Variants in MET observed in about 807,000 individuals in gnomAD.
MET encodes the protein hepatocyte growth factor receptor.
MET carries 48 observed loss-of-function variants against 133.1 expected under a neutral mutation model. The ratio of observed to expected loss-of-function variants is 0.36; its 90% confidence interval spans 0.29 to 0.46. MET has a LOEUF of 0.46. Among genes scored for constraint, MET ranks in the 20% least tolerant of loss-of-function variants. The probability of loss-of-function intolerance (pLI) is 1.00; values close to 1 mark genes in which losing one functional copy is unlikely to be tolerated. For synonymous variants in MET, 628 were observed against 616.5 expected (o/e 1.02, Z -0.28); for missense variants, 1,442 against 1,695.9 (o/e 0.85, Z 2.63).
At chr7:116,772,564 T>G (rs1018043705) in intron 14 of MET, among the ~76,000 whole-genome samples, 2 of 152,210 alleles carry the variant, frequency 1.3e-5, no homozygotes, top group Non-Finnish European at 2.9e-5. Flanking sequence ...CTAGTAATGT[T>G]CAGGTTAATC....
intron 19 of MET, among the ~76,000 whole-genome samples, chr7:116,787,811 G>C (rs948896472): frequency 1.3e-5 from 2 of 152,126 alleles, no homozygotes; most frequent in African/African-American, 4.8e-5. Context: ...CCAAAGAGAC[G>C]TAAGAATAGC....
chr7:116,713,166 T>C (rs1015332898), intron 2 of MET, among the ~76,000 whole-genome samples: 24 of 151,972 alleles, frequency 1.6e-4, no homozygotes, highest in African/African-American at 5.3e-4. Context: ...GAGGCCGAGG[T>C]GGGCGGATCA....
At chr7:116,746,072 A>T (rs1038595675) in intron 5 of MET, among the ~76,000 whole-genome samples, 12 of 152,240 alleles carry the variant, frequency 7.9e-5, no homozygotes, top group Non-Finnish European at 1.6e-4. Context: ...AAGAACTCAA[A>T]CCAATTTACA....
chr7:116,754,873 AAGAGAG>A (rs768705021), intron 5 of MET, among the ~76,000 whole-genome samples: 1 of 137,548 alleles, frequency 7.3e-6, no homozygotes, highest in Non-Finnish European at 1.6e-5. Context: ...AAAAGAAAGA[AAGAGAG>A]AGAGAGAGAA....
At chr7:116,783,619 C>G in intron 19 of MET, 150 bp downstream of exon 19, 1 of 783,936 alleles carries the variant, frequency 1.3e-6, no homozygotes, top group East Asian at 2.7e-5. Flanking sequence ...CTGATACGTA[C>G]ACATTGTATA....
rs1290614302 is a variant in MET at position 116,743,332 on chromosome 7, GT to G, written c.1701+2315del. ...CCATTTGGGCAGACACCGAGCAGGA[GT>G]TTTTTTTCATACCCCAGTGGTGCCT... On this transcript the variant is annotated intron_variant, in intron 5 of 20. Coordinates refer to ENST00000397752, the MANE Select transcript of MET (RefSeq NM_000245.4). 3.3e-5 allele frequency among the ~76,000 whole-genome samples: 5 copies of G among 152,182 alleles called. No individual in the cohort carries two copies. In the East Asian group the frequency reaches 9.7e-4, roughly 29 times the overall value.
At position 116,729,213 on chromosome 7, in the gene MET, CAG is replaced by C. The variant is rs561770433; in HGVS notation, c.1201-2454_1201-2453del. On this transcript the variant is annotated intron_variant, in intron 2 of 20. Transcript: ENST00000397752. Reference sequence around the variant, plus strand: ...TAGTGAAGAAATACTTCTAATTAAACAGGGAAATAGCACTTGCTAATATATCA... The same window carrying C: ...TAGTGAAGAAATACTTCTAATTAAACGGAAATAGCACTTGCTAATATATCA... 3.1e-4 allele frequency among the ~76,000 whole-genome samples: 47 copies of C among 152,280 alleles called. 1 individual carries two copies. In the East Asian group the frequency reaches 8.9e-3, roughly 29 times the overall value.
chr7:116,792,145 T>C (rs1459908279), intron 19 of MET, among the ~76,000 whole-genome samples: 1 of 152,202 alleles, frequency 6.6e-6, no homozygotes, highest in Non-Finnish European at 1.5e-5. Context: ...TACTCTTGAA[T>C]GCTCAGATTT....
At chr7:116,688,357 A>C (rs1796651444) in intron 1 of MET, among the ~76,000 whole-genome samples, 2 of 152,228 alleles carry the variant, frequency 1.3e-5, no homozygotes, top group African/African-American at 4.8e-5. Flanking sequence ...TGAATCACAA[A>C]ATTATGTCCA....
At chr7:116,702,985 A>C (rs1280368838) in intron 2 of MET, among the ~76,000 whole-genome samples, 1 of 152,110 alleles carries the variant, frequency 6.6e-6, no homozygotes. Context: ...CCAGTCTCAC[A>C]TTTCATGAAA....
chr7:116,776,906 T>A (rs1294565627), intron 15 of MET, among the ~76,000 whole-genome samples: 1 of 152,250 alleles, frequency 6.6e-6, no homozygotes, highest in Non-Finnish European at 1.5e-5. Context: ...ATCCTTATTC[T>A]ATAATACTAA....
chr7:116,704,808 C>T (rs1791725700), intron 2 of MET, among the ~76,000 whole-genome samples: 2 of 152,108 alleles, frequency 1.3e-5, no homozygotes, highest in African/African-American at 4.8e-5. Context: ...TAAGATATTA[C>T]TCTTATGTAC....
chr7:116,716,467 G>GAA (rs1404524774), intron 2 of MET, among the ~76,000 whole-genome samples: 54 of 108,266 alleles, frequency 5.0e-4, no homozygotes, highest in African/African-American at 1.7e-3. Flanking sequence ...AAGAAAGAAA[G>GAA]AGAAAGAAAG....
chr7:116,734,205 G>A (rs1793127327), intron 3 of MET, among the ~76,000 whole-genome samples: 1 of 152,102 alleles, frequency 6.6e-6, no homozygotes. Context: ...TGAAGTTTCT[G>A]TTACAAAATA....
At chr7:116,759,292 A>T (rs2116936195) in intron 9 of MET, 99 bp from the exon 10 acceptor site, 1 of 1,537,888 alleles carries the variant, frequency 6.5e-7, no homozygotes. Context: ...TGTGCCTCTG[A>T]CCTGTAATCA....
At position 116,701,995 on chromosome 7, in the gene MET, A is replaced by T. The variant is rs190081449; in HGVS notation, c.1200+1711A>T. On this transcript the variant is annotated intron_variant, in intron 2 of 20. Transcript: ENST00000397752. ...AAGGTATATTGATATCTCATTTTTT[A>T]AATTTTGTACATTTCAATCCTTAGA... Among the ~76,000 whole-genome samples the T allele has an allele frequency of 4.6e-3, 703 of 152,322 alleles. 6 individuals are homozygous for T. Among genetic ancestry groups the T allele is most frequent in the African/African-American group, 0.016 (658 of 41,588 alleles).
Position 116,763,202 on chromosome 7 carries a change from T to G in MET, c.2517T>G (p.Pro839=), listed in dbSNP as rs1584947055. The G allele has an allele frequency of 1.5e-5, 25 of 1,614,092 alleles. No individual in the cohort carries two copies. The highest frequency in any genetic ancestry group is 2.0e-5 in the Non-Finnish European group (24 of 1,179,984). The change falls in exon 11 of 21, where the codon CCT becomes CCG. Residue 839 remains proline (P), a synonymous_variant. Transcript: ENST00000397752. ...TTGATCTCATTTATGTACATAATCCTGTGTTTAAGCCTTTTGAAAAGCCAG... is the reference window on the plus strand; with the variant it reads ...TTGATCTCATTTATGTACATAATCCGGTGTTTAAGCCTTTTGAAAAGCCAG... The part of the protein sequence containing the change: ...KYFDLIYVHN[P]VFKPFEKPVM...
At chr7:116,742,861 T>C (rs564290425) in intron 5 of MET, among the ~76,000 whole-genome samples, 1 of 152,194 alleles carries the variant, frequency 6.6e-6, no homozygotes, top group Non-Finnish European at 1.5e-5. Context: ...GGTTCATAGT[T>C]GTTAGGAAGA....
At chr7:116,727,973 T>G (rs900654174) in intron 2 of MET, among the ~76,000 whole-genome samples, 1 of 152,146 alleles carries the variant, frequency 6.6e-6, no homozygotes, top group Non-Finnish European at 1.5e-5. Context: ...AAAGACAGGG[T>G]GCAGCTCTGT....
Sources: allele counts gnomAD v4.1 joint callset (sites outside exome capture counted in the v4.1 genomes callset), GRCh38; gene constraint gnomAD v4.1.1; transcripts MANE v1.5; gene names NCBI Gene and HGNC (gene_info 2026-07-23, HGNC 2026-07-21).